OR14I1: variants seen among roughly 807,000 people sequenced by gnomAD.
OR14I1 encodes olfactory receptor family 14 subfamily I member 1.
For missense variants in OR14I1, 279 were observed against 181.8 expected (o/e 1.53, Z -3.07); for synonymous variants, 118 against 71.1 (o/e 1.66, Z -3.32).
At chr1:248,688,491 C>G in the OR14I1 span, among the ~76,000 whole-genome samples, 1 of 152,170 alleles carries the variant, frequency 6.6e-6, no homozygotes, top group Non-Finnish European at 1.5e-5. Flanking sequence ...GTTTTCCAAC[C>G]CACCTTCTGT....
At chr1:248,681,320 C>T, downstream of OR14I1, 2 of 613,176 alleles carry the variant, frequency 3.3e-6, no homozygotes, top group Non-Finnish European at 2.9e-6. Flanking sequence ...AGTATTTATG[C>T]TTTTTTGGGG....
At chr1:248,681,737 C>T in exon 1 of OR14I1, 2 of 781,050 alleles carry the variant, frequency 2.6e-6, no homozygotes, top group South Asian at 2.7e-5. Flanking sequence ...ACAAAGAAAA[C>T]CTCACAGGAA....
At chr1:248,701,652 G>A in the OR14I1 span, among the ~76,000 whole-genome samples, 7 of 152,170 alleles carry the variant, frequency 4.6e-5, no homozygotes, top group African/African-American at 1.4e-4. Flanking sequence ...TAATTTGGAT[G>A]AATTTAGTTT....
At chr1:248,685,464 A>G (rs886374382), upstream of OR14I1, among the ~76,000 whole-genome samples, 8 of 152,164 alleles carry the variant, frequency 5.3e-5, no homozygotes, top group African/African-American at 1.7e-4. Context: ...TTCCAGCAGA[A>G]TCAGCAGTGT....
downstream of OR14I1, among the ~76,000 whole-genome samples, chr1:248,678,696 A>G (rs768024591): frequency 1.3e-5 from 2 of 152,284 alleles, no homozygotes; most frequent in Non-Finnish European, 2.9e-5. Flanking sequence ...TCATTCAAAA[A>G]TAAAGGCAGA....
chr1:248,680,847 A>C (rs1372213768), downstream of OR14I1, among the ~76,000 whole-genome samples: 1 of 152,196 alleles, frequency 6.6e-6, no homozygotes, highest in Non-Finnish European at 1.5e-5. Context: ...ACTAAGTGAA[A>C]GAGAAATATC....
chr1:248,683,736 A>C (rs1449416076), upstream of OR14I1, among the ~76,000 whole-genome samples: 1 of 152,268 alleles, frequency 6.6e-6, no homozygotes, highest in Non-Finnish European at 1.5e-5. Context: ...AAGTAATTGA[A>C]AAGAATTGCA....
chr1:248,694,898 A>G, the OR14I1 span, among the ~76,000 whole-genome samples: 1 of 152,248 alleles, frequency 6.6e-6, no homozygotes. Context: ...CAAAATGTCT[A>G]TGCCTGTGCT....
chr1:248,697,498 A>AG, the OR14I1 span, among the ~76,000 whole-genome samples: 1 of 148,834 alleles, frequency 6.7e-6, no homozygotes. Flanking sequence ...AAAAAAAAAA[A>AG]ACATGGCCGG....
chr1:248,701,504 T>C, the OR14I1 span, among the ~76,000 whole-genome samples: 2 of 152,238 alleles, frequency 1.3e-5, no homozygotes, highest in South Asian at 2.1e-4. Flanking sequence ...AACATTGTTA[T>C]GTAAAGTGGC....
chr1:248,700,797 C>T, the OR14I1 span, among the ~76,000 whole-genome samples: 4 of 152,120 alleles, frequency 2.6e-5, no homozygotes, highest in Non-Finnish European at 5.9e-5. Context: ...TGCCATAAAT[C>T]GTCACCAGTT....
upstream of OR14I1, among the ~76,000 whole-genome samples, chr1:248,685,939 T>C (rs1176815509): frequency 6.6e-6 from 1 of 152,054 alleles, no homozygotes; most frequent in African/African-American, 2.4e-5. Flanking sequence ...ATCATTATGA[T>C]ATATAAGCAT....
chr1:248,691,045 T>C, the OR14I1 span, among the ~76,000 whole-genome samples: 9 of 152,216 alleles, frequency 5.9e-5, no homozygotes, highest in African/African-American at 1.9e-4. Context: ...CTGAGTAATA[T>C]TTCATCTTAG....
chr1:248,685,122 AAAG>A (rs1231567858), upstream of OR14I1, among the ~76,000 whole-genome samples: 2 of 151,850 alleles, frequency 1.3e-5, no homozygotes, highest in Non-Finnish European at 2.9e-5. Flanking sequence ...TTCAGTGAAA[AAAG>A]CTCTCTTTTT....
the OR14I1 span, among the ~76,000 whole-genome samples, chr1:248,689,375 G>A: frequency 6.6e-6 from 1 of 152,126 alleles, no homozygotes; most frequent in Non-Finnish European, 1.5e-5. Flanking sequence ...CTGTCTTCCA[G>A]GAACCTTACC....
chr1:248,702,240 T>G, the OR14I1 span, among the ~76,000 whole-genome samples: 1 of 152,136 alleles, frequency 6.6e-6, no homozygotes, highest in African/African-American at 2.4e-5. Flanking sequence ...TCCAAAGTCT[T>G]ATCTGAGGCA....
the OR14I1 span, among the ~76,000 whole-genome samples, chr1:248,702,423 TTCTA>T: frequency 6.8e-4 from 104 of 152,232 alleles, no homozygotes; most frequent in African/African-American, 2.4e-3. Flanking sequence ...TAAGAAGAAA[TTCTA>T]TCTATTTATT....
chr1:248,681,390 C>A, exon 1 of OR14I1: 1 of 756,784 alleles, frequency 1.3e-6, no homozygotes, highest in South Asian at 1.4e-5. Flanking sequence ...GAAAATATAT[C>A]TTCACAAAGA....
chr1:248,682,009 A>C, exon 1 of OR14I1: 1 of 781,006 alleles, frequency 1.3e-6, no homozygotes, highest in Non-Finnish European at 2.4e-6. Flanking sequence ...GAAAAAATAG[A>C]CTTGAGCCAC....
Sources: allele counts gnomAD v4.1 joint callset (sites outside exome capture counted in the v4.1 genomes callset), GRCh38; gene constraint gnomAD v4.1.1; transcripts MANE v1.5; gene names NCBI Gene and HGNC (gene_info 2026-07-23, HGNC 2026-07-21).